Variants in LRRC49 observed in about 807,000 individuals in gnomAD.
LRRC49 encodes the protein leucine rich repeat containing 49, also known as leucine-rich repeat-containing protein 49.
Under a neutral mutation model 83.3 loss-of-function variants are expected in LRRC49, and 50 were observed. That is an observed-to-expected ratio of 0.60 (90% confidence interval 0.48 to 0.76). The LOEUF is 0.76. LRRC49 is among the 30% of genes least tolerant of loss of function. The probability of loss-of-function intolerance (pLI) is 0.00; values close to 1 mark genes in which losing one functional copy is unlikely to be tolerated. For missense variants in LRRC49, 704 were observed against 809.1 expected (o/e 0.87, Z 1.58); for synonymous variants, 286 against 283.3 (o/e 1.01, Z -0.10).
intron 13 of LRRC49, among the ~76,000 whole-genome samples, chr15:71,010,331 C>T (rs936955287): frequency 6.6e-6 from 1 of 151,716 alleles, no homozygotes; most frequent in East Asian, 1.9e-4. Flanking sequence ...TTGTATTTCT[C>T]AAAGTACTTT....
At chr15:70,860,309 C>T (rs2032758872) in intron 1 of LRRC49, 3 of 525,060 alleles carry the variant, frequency 5.7e-6, no homozygotes, top group South Asian at 4.7e-5. Flanking sequence ...GAGTTTACTG[C>T]CTGGGGACAC....
At chr15:70,906,847 T>G (rs1161154026) in intron 5 of LRRC49, among the ~76,000 whole-genome samples, 2 of 152,220 alleles carry the variant, frequency 1.3e-5, no homozygotes, top group Non-Finnish European at 2.9e-5. Flanking sequence ...TTTTTATTTG[T>G]TATTTGTTTG....
intron 2 of LRRC49, chr15:70,882,678 T>C: frequency 1.9e-6 from 3 of 1,611,234 alleles, no homozygotes; most frequent in Non-Finnish European, 2.5e-6. Context: ...TAAGTACCTA[T>C]GAGTTAGACT....
At chr15:70,990,766 C>T (rs1242797490) in intron 11 of LRRC49, among the ~76,000 whole-genome samples, 3 of 152,214 alleles carry the variant, frequency 2.0e-5, no homozygotes, top group Non-Finnish European at 4.4e-5. Context: ...TGTTCCTATT[C>T]GGCCATCTTG....
chr15:70,919,574 G>C (rs2034929010), intron 7 of LRRC49, among the ~76,000 whole-genome samples: 1 of 152,164 alleles, frequency 6.6e-6, no homozygotes, highest in Admixed American at 6.5e-5. Context: ...GAGAGATTGA[G>C]AGTTGTGAAG....
chr15:70,860,295 G>C (rs1326459871), intron 1 of LRRC49: 3 of 532,768 alleles, frequency 5.6e-6, no homozygotes, highest in South Asian at 2.3e-5. Flanking sequence ...GCCCACCCGC[G>C]GGGGAGTTTA....
At chr15:70,924,477 A>G (rs1304545487) in intron 7 of LRRC49, among the ~76,000 whole-genome samples, 4 of 151,938 alleles carry the variant, frequency 2.6e-5, no homozygotes, top group African/African-American at 9.7e-5. Flanking sequence ...TAAAATATAC[A>G]CTTGACTTAA....
chr15:70,926,632 A>G (rs2035210819), intron 7 of LRRC49, among the ~76,000 whole-genome samples: 1 of 152,062 alleles, frequency 6.6e-6, no homozygotes, highest in Admixed American at 6.6e-5. Context: ...CTTGTCATTT[A>G]ATATTAGGTA....
chr15:70,866,072 A>G (rs1035843836), intron 1 of LRRC49, among the ~76,000 whole-genome samples: 7 of 151,804 alleles, frequency 4.6e-5, no homozygotes, highest in Admixed American at 4.6e-4. Flanking sequence ...CTTTCTCATT[A>G]CTCTAATCTC....
At chr15:70,938,299 G>A (rs917593957) in intron 8 of LRRC49, among the ~76,000 whole-genome samples, 6 of 152,096 alleles carry the variant, frequency 3.9e-5, no homozygotes, top group Admixed American at 6.6e-5. Flanking sequence ...GCAAAACAAA[G>A]TTAAGATTAA....
chr15:70,968,667 T>C (rs967111395), intron 9 of LRRC49, among the ~76,000 whole-genome samples: 6 of 152,178 alleles, frequency 3.9e-5, no homozygotes, highest in Non-Finnish European at 5.9e-5. Flanking sequence ...TTTTGAATGA[T>C]CACCATTCTA....
intron 14 of LRRC49, among the ~76,000 whole-genome samples, chr15:71,031,004 G>C (rs539167841): frequency 6.6e-6 from 1 of 152,020 alleles, no homozygotes; most frequent in Admixed American, 6.6e-5. Context: ...GCCTACTTCT[G>C]TCAAATTGTC....
chr15:70,904,194 G>T (rs2034203440), intron 4 of LRRC49, among the ~76,000 whole-genome samples: 1 of 152,098 alleles, frequency 6.6e-6, no homozygotes, highest in Non-Finnish European at 1.5e-5. Flanking sequence ...AAGGGCATTT[G>T]TCTGGTTATG....
At chr15:70,940,537 C>G (rs1203073170) in intron 8 of LRRC49, among the ~76,000 whole-genome samples, 1 of 152,170 alleles carries the variant, frequency 6.6e-6, no homozygotes, top group Non-Finnish European at 1.5e-5. Context: ...GCCACTGCGC[C>G]GGCCTATATG....
chr15:70,961,940 G>T (rs572209045), intron 8 of LRRC49, among the ~76,000 whole-genome samples: 1 of 152,144 alleles, frequency 6.6e-6, no homozygotes, highest in Non-Finnish European at 1.5e-5. Flanking sequence ...AATGCAGACC[G>T]ACAAGAGAAT....
intron 14 of LRRC49, among the ~76,000 whole-genome samples, chr15:71,025,635 CACAAA>C (rs2039141842): frequency 6.7e-6 from 1 of 148,338 alleles, no homozygotes; most frequent in Non-Finnish European, 1.5e-5. Flanking sequence ...TGCAAAGACA[CACAAA>C]ATAAAATAAA....
upstream of LRRC49, among the ~76,000 whole-genome samples, chr15:70,891,356 T>G (rs1199989050): frequency 1.3e-5 from 2 of 152,126 alleles, no homozygotes; most frequent in Non-Finnish European, 2.9e-5. Flanking sequence ...AGGGATTTAT[T>G]AGCAAGCTCC....
intron 9 of LRRC49, among the ~76,000 whole-genome samples, chr15:70,969,939 T>C (rs998941000): frequency 2.0e-5 from 3 of 152,198 alleles, no homozygotes; most frequent in Non-Finnish European, 4.4e-5. Flanking sequence ...ATAATCTGAC[T>C]CCTGTCTTCC....
chr15:71,041,067 A>G (rs984660134), intron 15 of LRRC49, among the ~76,000 whole-genome samples: 1 of 152,144 alleles, frequency 6.6e-6, no homozygotes, highest in Non-Finnish European at 1.5e-5. Context: ...TCAGAAATAA[A>G]CACAACCTAG....
Sources: gnomAD v4.1 joint callset for allele counts (sites outside exome capture counted in the v4.1 genomes callset) on GRCh38, gnomAD v4.1.1 for gene constraint, MANE v1.5 for transcripts, NCBI Gene and HGNC (gene_info 2026-07-23, HGNC 2026-07-21) for gene names.